PTPRT: variants seen among roughly 807,000 people sequenced by gnomAD.
The protein encoded by PTPRT is protein tyrosine phosphatase receptor type T, also known as receptor-type tyrosine-protein phosphatase T.
A neutral mutation model predicts 176.8 loss-of-function variants in PTPRT; 56 were observed. The observed-to-expected ratio is 0.32, with a 90% CI of 0.26 to 0.40. The LOEUF (loss-of-function observed/expected upper bound fraction) is 0.40, where lower values mean the gene tolerates loss of function less well. Ranked by LOEUF, PTPRT falls within the 10% of genes least tolerant of loss-of-function variation. PTPRT has a pLI of 1.00. For missense variants in PTPRT, 1,540 were observed against 1,908.2 expected (o/e 0.81, Z 3.60); for synonymous variants, 783 against 739.0 (o/e 1.06, Z -0.96).
At chr20:42,851,914 T>C (rs907142288) in intron 2 of PTPRT, among the ~76,000 whole-genome samples, 4 of 152,246 alleles carry the variant, frequency 2.6e-5, no homozygotes, top group Non-Finnish European at 4.4e-5. Flanking sequence ...CCTAACAGCA[T>C]TAATTATATA....
chr20:42,404,983 TATATAC>T (rs2058945892), intron 9 of PTPRT, among the ~76,000 whole-genome samples: 1 of 143,400 alleles, frequency 7.0e-6, no homozygotes. Flanking sequence ...TATATATATA[TATATAC>T]ACACACACAC....
At chr20:42,457,761 A>C (rs1353111562) in intron 8 of PTPRT, among the ~76,000 whole-genome samples, 1 of 152,116 alleles carries the variant, frequency 6.6e-6, no homozygotes, top group Admixed American at 6.6e-5. Flanking sequence ...AGGGCTTTTT[A>C]GGTGTTTTGA....
intron 7 of PTPRT, among the ~76,000 whole-genome samples, chr20:42,664,197 ACCT>A (rs2075274141): frequency 6.6e-6 from 1 of 152,184 alleles, no homozygotes; most frequent in Non-Finnish European, 1.5e-5. Context: ...TTTAGCAATT[ACCT>A]CTTTATGCCT....
intron 7 of PTPRT, among the ~76,000 whole-genome samples, chr20:42,476,303 T>C (rs1017946732): frequency 6.6e-6 from 1 of 152,158 alleles, no homozygotes; most frequent in Non-Finnish European, 1.5e-5. Context: ...GGGGCTTGGA[T>C]AGCATAAGAG....
Position 42,791,210 on chromosome 20 carries a change from C to A in PTPRT, c.471G>T (p.Trp157Cys), listed in dbSNP as rs2145546267. 6.3e-7 allele frequency: 1 copy of A among 1,589,060 alleles called. No homozygotes were observed. The highest frequency in any genetic ancestry group is 1.1e-5 in the South Asian group (1 of 87,776). The part of the protein sequence containing the change: ...VKAELAISTF[W>C]PHFYQVIFES... ...AATGCCATACCTGATAGAAATGTGG[C>A]CAGAAAGTGCTGATGGCGAGCTCTG... is the stretch of plus-strand genomic sequence containing the variant. The change falls in exon 3 of 31, where the codon TGG becomes TGT. Residue 157 changes from tryptophan (W) to cysteine (C), a missense_variant. Trp to Cys is a radical substitution (Grantham distance 215, BLOSUM62 -2). Coordinates refer to ENST00000373187, the MANE Select transcript of PTPRT (RefSeq NM_007050.6).
chr20:42,541,197 C>A (rs1396020789), intron 7 of PTPRT, among the ~76,000 whole-genome samples: 2 of 151,856 alleles, frequency 1.3e-5, no homozygotes, highest in Non-Finnish European at 2.9e-5. Flanking sequence ...TAATGTGATG[C>A]CAATAAAAAC....
intron 2 of PTPRT, among the ~76,000 whole-genome samples, chr20:42,862,370 G>T (rs888293982): frequency 3.3e-5 from 5 of 152,178 alleles, no homozygotes; most frequent in African/African-American, 9.7e-5. Context: ...GATGGCAGAA[G>T]AACTGCAAAA....
intron 1 of PTPRT, among the ~76,000 whole-genome samples, chr20:42,959,517 T>C (rs563561312): frequency 2.0e-5 from 3 of 152,320 alleles, no homozygotes; most frequent in African/African-American, 7.2e-5. Context: ...GTATTGCTAT[T>C]ATCCCCATTT....
At position 42,715,525 on chromosome 20, in the gene PTPRT, T is replaced by C. The variant is rs144223332; in HGVS notation, c.860-37366A>G. Among the ~76,000 whole-genome samples the C allele has an allele frequency of 3.5e-3, 527 of 152,270 alleles. 4 individuals carry two copies. The highest frequency in any genetic ancestry group is 0.012 in the African/African-American group (506 of 41,572). On this transcript the variant is annotated intron_variant, in intron 6 of 30. Coordinates refer to ENST00000373187, the MANE Select transcript of PTPRT (RefSeq NM_007050.6). Reference sequence around the variant, plus strand: ...ACCATATCTAAAATAAAAAGCTTACTCTGGGGTTAGTAGCAGTGCAGGCAC... The same window carrying C: ...ACCATATCTAAAATAAAAAGCTTACCCTGGGGTTAGTAGCAGTGCAGGCAC...
chr20:43,022,456 A>C (rs1985727917), intron 1 of PTPRT, among the ~76,000 whole-genome samples: 1 of 152,214 alleles, frequency 6.6e-6, no homozygotes, highest in Non-Finnish European at 1.5e-5. Context: ...TAATAACATT[A>C]AGTATTAATA....
intron 5 of PTPRT, among the ~76,000 whole-genome samples, chr20:42,767,214 A>C (rs1265129149): frequency 6.6e-6 from 1 of 152,138 alleles, no homozygotes; most frequent in Non-Finnish European, 1.5e-5. Context: ...AGAGTACCCA[A>C]ATTAAACAGT....
intron 1 of PTPRT, among the ~76,000 whole-genome samples, chr20:43,185,249 T>TG (rs2015361743): frequency 6.6e-6 from 1 of 152,244 alleles, no homozygotes; most frequent in Non-Finnish European, 1.5e-5. Flanking sequence ...ATTTATTTAT[T>TG]GGAATGCCAT....
intron 7 of PTPRT, among the ~76,000 whole-genome samples, chr20:42,671,509 A>C (rs2075412635): frequency 6.6e-6 from 1 of 152,224 alleles, no homozygotes; most frequent in African/African-American, 2.4e-5. Context: ...CCCAGACCAC[A>C]GCATGAACTC....
intron 1 of PTPRT, among the ~76,000 whole-genome samples, chr20:42,939,369 T>C (rs1228831604): frequency 6.6e-6 from 1 of 152,216 alleles, no homozygotes; most frequent in Admixed American, 6.5e-5. Context: ...CCCATGCTTC[T>C]ACCAACACTG....
At chr20:42,533,206 C>T (rs1479408441) in intron 7 of PTPRT, among the ~76,000 whole-genome samples, 2 of 152,254 alleles carry the variant, frequency 1.3e-5, no homozygotes, top group African/African-American at 2.4e-5. Context: ...TTGATGAAAT[C>T]GCTACTGGCC....
At chr20:42,989,654 TCCCAAACACTTGATTCCATTTC>T (rs1310375467) in intron 1 of PTPRT, among the ~76,000 whole-genome samples, 1 of 152,188 alleles carries the variant, frequency 6.6e-6, no homozygotes, top group African/African-American at 2.4e-5. Context: ...ATGTTTTCAT[TCCCAAACACTTGATTCCATTTC>T]CCCAGCCACT....
intron 6 of PTPRT, among the ~76,000 whole-genome samples, chr20:42,745,560 C>T (rs761015359): frequency 4.6e-5 from 7 of 152,206 alleles, no homozygotes; most frequent in Non-Finnish European, 7.3e-5. Flanking sequence ...AATTAAGAAT[C>T]ACTGGTCCAG....
intron 6 of PTPRT, among the ~76,000 whole-genome samples, chr20:42,694,394 A>G (rs1309525703): frequency 1.3e-5 from 2 of 152,162 alleles, no homozygotes; most frequent in African/African-American, 4.8e-5. Context: ...TGTGTAGTTT[A>G]CATGTGATAT....
intron 3 of PTPRT, among the ~76,000 whole-genome samples, chr20:42,782,591 T>C (rs2077230651): frequency 6.6e-6 from 1 of 152,218 alleles, no homozygotes; most frequent in Admixed American, 6.5e-5. Flanking sequence ...TCAGCCCTCA[T>C]CTTCATTTTC....
Sources: gnomAD v4.1 joint callset for allele counts (sites outside exome capture counted in the v4.1 genomes callset) on GRCh38, gnomAD v4.1.1 for gene constraint, MANE v1.5 for transcripts, NCBI Gene and HGNC (gene_info 2026-07-23, HGNC 2026-07-21) for gene names.